The following PTPRD variants were observed in gnomAD, a reference collection of about 807,000 sequenced individuals.
PTPRD encodes receptor-type tyrosine-protein phosphatase delta.
In PTPRD, 34 loss-of-function variants were observed where a neutral mutation model predicts 214.5. The observed-to-expected ratio is 0.16, with a 90% CI of 0.12 to 0.21. The LOEUF is 0.21. PTPRD is among the 10% of genes least tolerant of loss of function. The pLI, the probability that PTPRD is intolerant of heterozygous loss-of-function variation, is 1.00. For missense variants in PTPRD, 2,545 were observed against 2,398.7 expected (o/e 1.06, Z -1.27); for synonymous variants, 1,128 against 845.7 (o/e 1.33, Z -5.79).
chr9:9,453,149 C>G (rs547081730), intron 8 of PTPRD, among the ~76,000 whole-genome samples: 1 of 151,308 alleles, frequency 6.6e-6, no homozygotes, highest in African/African-American at 2.4e-5. Flanking sequence ...CAACGCCCCC[C>G]CACACAATGC....
chr9:8,832,053 A>C (rs1353515622), intron 11 of PTPRD, among the ~76,000 whole-genome samples: 1 of 151,982 alleles, frequency 6.6e-6, no homozygotes, highest in African/African-American at 2.4e-5. Context: ...TGAGAGCTAT[A>C]ATGTGCACTG....
intron 2 of PTPRD, among the ~76,000 whole-genome samples, chr9:10,451,908 T>C (rs1281427530): frequency 6.6e-6 from 1 of 151,976 alleles, no homozygotes; most frequent in Non-Finnish European, 1.5e-5. Flanking sequence ...AAAGGTATTA[T>C]TTTCGAATTA....
At chr9:10,207,642 T>C (rs2099490415) in intron 3 of PTPRD, among the ~76,000 whole-genome samples, 1 of 151,948 alleles carries the variant, frequency 6.6e-6, no homozygotes, top group Admixed American at 6.5e-5. Context: ...GTTTTTTAAA[T>C]ATTCTATTAC....
Position 8,315,702 on chromosome 9 carries a change from G to A in PTPRD, c.*2172C>T, listed in dbSNP as rs1821296429. On this transcript the variant is annotated 3_prime_UTR_variant, in exon 46 of 46. Transcript: ENST00000381196. The stretch of plus-strand genomic sequence containing the variant: ...GTGCTCAAATACAATGCTTGCAAAT[G>A]TTTGGTCTCTTGGATTTCACTCTGC... 2 of 227,996 alleles carry A rather than the reference G, an allele frequency of 8.8e-6. No individual in the cohort carries two copies. The highest frequency in any genetic ancestry group is 4.5e-5 in the African/African-American group (2 of 44,900). The allele number at this position is 227,996 out of a possible 1,614,324, so 14.1% of individuals were successfully genotyped here.
chr9:8,817,902 T>C (rs1286794860), intron 11 of PTPRD, among the ~76,000 whole-genome samples: 1 of 152,154 alleles, frequency 6.6e-6, no homozygotes, highest in Non-Finnish European at 1.5e-5. Context: ...CAAGATAAAT[T>C]TGGATCAAAT....
chr9:10,131,359 G>T (rs888385826), intron 3 of PTPRD, among the ~76,000 whole-genome samples: 5 of 152,118 alleles, frequency 3.3e-5, no homozygotes, highest in Non-Finnish European at 7.4e-5. Context: ...CAGTAGTTCA[G>T]TGCACTATTT....
At chr9:9,537,715 C>T (rs1038808474) in intron 8 of PTPRD, among the ~76,000 whole-genome samples, 1 of 151,810 alleles carries the variant, frequency 6.6e-6, no homozygotes, top group African/African-American at 2.4e-5. Flanking sequence ...AGATGTTTCT[C>T]ACAAACCTCA....
intron 3 of PTPRD, among the ~76,000 whole-genome samples, chr9:10,322,946 G>T (rs2096577794): frequency 6.6e-6 from 1 of 151,844 alleles, no homozygotes; most frequent in Non-Finnish European, 1.5e-5. Flanking sequence ...GAATGTTCAG[G>T]AATAAAAGTA....
chr9:9,167,641 G>A (rs2099906794), intron 10 of PTPRD, among the ~76,000 whole-genome samples: 1 of 151,896 alleles, frequency 6.6e-6, no homozygotes, highest in Non-Finnish European at 1.5e-5. Flanking sequence ...TGTAATCCCA[G>A]CTACTCGAGA....
At chr9:9,129,295 C>A (rs1460195509) in intron 10 of PTPRD, among the ~76,000 whole-genome samples, 2 of 152,120 alleles carry the variant, frequency 1.3e-5, no homozygotes, top group Non-Finnish European at 2.9e-5. Context: ...GAGGCTGAGG[C>A]ATGAGAATCA....
chr9:9,549,243 T>C lies in PTPRD; in HGVS notation c.-237+25489A>G, dbSNP rs568457619. Among the ~76,000 whole-genome samples the C allele has an allele frequency of 1.5e-3, 221 of 147,198 alleles. 3 individuals are homozygous for C. The highest frequency in any genetic ancestry group is 3.5e-3 in the Middle Eastern group (1 of 284). On this transcript the variant is annotated intron_variant, in intron 8 of 45. Transcript: ENST00000381196. The stretch of plus-strand genomic sequence containing the variant: ...CCACAGGTTAGGAGAAAATTATACA[T>C]ATATATGTGTATAATGTATATATTA...
chr9:10,271,305 G>A (rs1226054287), intron 3 of PTPRD, among the ~76,000 whole-genome samples: 2 of 152,006 alleles, frequency 1.3e-5, no homozygotes, highest in Admixed American at 1.3e-4. Context: ...ATTTTTAGGT[G>A]TTACAAATAC....
At chr9:10,485,712 C>G (rs2029907523) in intron 2 of PTPRD, among the ~76,000 whole-genome samples, 1 of 151,812 alleles carries the variant, frequency 6.6e-6, no homozygotes, top group East Asian at 1.9e-4. Context: ...GATATTATAT[C>G]CTGAAAATTT....
At chr9:9,888,860 G>A (rs2072043852) in intron 5 of PTPRD, among the ~76,000 whole-genome samples, 1 of 152,096 alleles carries the variant, frequency 6.6e-6, no homozygotes, top group South Asian at 2.1e-4. Flanking sequence ...TGATTTCATT[G>A]AGCCAGCACC....
intron 5 of PTPRD, among the ~76,000 whole-genome samples, chr9:9,870,505 C>A (rs1312848877): frequency 6.6e-6 from 1 of 151,782 alleles, no homozygotes; most frequent in South Asian, 2.1e-4. Flanking sequence ...TTACAGCAAC[C>A]TTTTTTGATT....
At chr9:10,496,696 C>T (rs1379963499) in intron 2 of PTPRD, among the ~76,000 whole-genome samples, 1 of 151,964 alleles carries the variant, frequency 6.6e-6, no homozygotes, top group Non-Finnish European at 1.5e-5. Flanking sequence ...TTGCATTTCT[C>T]TGATAATTAG....
intron 8 of PTPRD, among the ~76,000 whole-genome samples, chr9:9,402,476 C>T (rs188138406): frequency 6.6e-6 from 1 of 152,138 alleles, no homozygotes; most frequent in East Asian, 1.9e-4. Context: ...TACATTTAAT[C>T]ACCAAATTTC....
chr9:9,139,810 G>A (rs945610199), intron 10 of PTPRD, among the ~76,000 whole-genome samples: 4 of 152,132 alleles, frequency 2.6e-5, no homozygotes, highest in Non-Finnish European at 2.9e-5. Context: ...CCACTGTACC[G>A]GCAACAGTGG....
intron 5 of PTPRD, among the ~76,000 whole-genome samples, chr9:9,879,281 G>T (rs1207299616): frequency 6.6e-6 from 1 of 152,116 alleles, no homozygotes; most frequent in Non-Finnish European, 1.5e-5. Context: ...GGGCTATCTT[G>T]TGTGTAGGTT....
Sources: gnomAD v4.1 joint callset for allele counts (sites outside exome capture counted in the v4.1 genomes callset) on GRCh38, gnomAD v4.1.1 for gene constraint, MANE v1.5 for transcripts, NCBI Gene and HGNC (gene_info 2026-07-23, HGNC 2026-07-21) for gene names.